KRT72: variants seen among roughly 807,000 people sequenced by gnomAD.
KRT72 encodes the protein keratin, type II cytoskeletal 72.
A neutral mutation model predicts 44.7 loss-of-function variants in KRT72; 44 were observed. That is an observed-to-expected ratio of 0.98 (90% CI 0.77 to 1.27). The LOEUF is 1.27. Among genes scored for constraint, KRT72 ranks in the 50% most tolerant of loss-of-function variants. KRT72 has a pLI of 0.00. For missense variants in KRT72, 736 were observed against 667.1 expected (o/e 1.10, Z -1.14); for synonymous variants, 302 against 280.4 (o/e 1.08, Z -0.77).
chr12:52,602,336 C>G (rs1320425679), upstream of KRT72, among the ~76,000 whole-genome samples: 1 of 152,182 alleles, frequency 6.6e-6, no homozygotes, highest in East Asian at 1.9e-4. Flanking sequence ...ATTTGCCACC[C>G]AGTCATTTCT....
chr12:52,586,049 C>T lies in KRT72; in HGVS notation c.1469G>A (p.Ser490Asn), dbSNP rs778629010. The change falls in exon 9 of 9, where the codon AGT becomes AAT. Residue 490 changes from serine (S) to asparagine (N), a missense_variant. Transcript: ENST00000293745. ...ADVKTKGSCG[S>N]ELKDPLAKTS... is the part of the protein sequence containing the mutation. ...TTTGGCAAGGGGATCCTTGAGCTCA[C>T]TGCCACAGCTGCCTTTGGTCTTGAC... The T allele has an allele frequency of 1.2e-6, 2 of 1,614,104 alleles. No homozygotes were observed. The highest frequency in any genetic ancestry group is 2.7e-5 in the African/African-American group (2 of 74,960).
chr12:52,590,924 T>G lies in KRT72; in HGVS notation c.1001A>C (p.Asp334Ala). Residue 334 changes from aspartate (D) to alanine (A), a missense_variant, in exon 6 of 9, where the codon GAT becomes GCT. Physicochemically the swap from Asp to Ala is moderately radical, Grantham distance 126. Coordinates refer to ENST00000293745, the MANE Select transcript of KRT72 (RefSeq NM_080747.3). ...TTCAGCCTTGGTGAGCTTGAGGTCA[T>G]CCCCATGCTGGCCTGCTGTGACCTG... ...ELQVTAGQHG[D>A]DLKLTKAEIS... 1 of 1,606,750 alleles carries G rather than the reference T, an allele frequency of 6.2e-7. No individual in the cohort carries two copies. The highest frequency in any genetic ancestry group is 8.5e-7 in the Non-Finnish European group (1 of 1,174,820).
intron 4 of KRT72, among the ~76,000 whole-genome samples, chr12:52,592,028 C>G (rs949639194): frequency 1.3e-5 from 2 of 152,174 alleles, no homozygotes; most frequent in African/African-American, 4.8e-5. Flanking sequence ...GGCTCCTGGA[C>G]CTTCTATTTT....
Position 52,592,968 on chromosome 12 carries a change from C to A in KRT72, c.642-16G>T, listed in dbSNP as rs759094748. On this transcript the variant is annotated splice_polypyrimidine_tract_variant and intron_variant, in intron 2 of 8. Coordinates refer to ENST00000293745, the MANE Select transcript of KRT72 (RefSeq NM_080747.3). ...CACCTCATACCTGCATGGGGCAAGA[C>A]AATGAGGTAATTCAGTTCTGCAAAC... 4 of 1,610,748 alleles carry A rather than the reference C, an allele frequency of 2.5e-6. No homozygotes were observed. The South Asian group carries it at 4.4e-5, about 18-fold the overall frequency.
In KRT72 at chr12:52,598,903, C is replaced by T. The variant is rs778339569; in HGVS notation, c.636G>A (p.Lys212=). The part of the protein sequence containing the change: ...RNMQDLVEDY[K]KRYEVEINRR... ...ATTCCCTGCCACTCACTCACCTCTT[C>T]TTGTAGTCCTCCACCAAATCCTGCA... The change falls in exon 2 of 9, where the codon AAG becomes AAA. Residue 212 remains lysine (K), a synonymous_variant. Coordinates refer to ENST00000293745, the MANE Select transcript of KRT72 (RefSeq NM_080747.3). The T allele has an allele frequency of 4.3e-5, 70 of 1,613,994 alleles. No individual in the cohort carries two copies. The Middle Eastern group carries it at 2.5e-3, about 57-fold the overall frequency.
At position 52,591,641 on chromosome 12, in the gene KRT72, G is replaced by C. The variant is rs906905550; in HGVS notation, c.799-13C>G. ...TCTGAGTGATCTCCTGGGGACGGTT[G>C]GGGGAGGGGAGCTAGTTAAGGGGTA... On this transcript the variant is annotated splice_polypyrimidine_tract_variant and intron_variant, in intron 4 of 8. Coordinates refer to ENST00000293745, the MANE Select transcript of KRT72 (RefSeq NM_080747.3). The C allele has an allele frequency of 1.3e-6, 2 of 1,597,704 alleles. No homozygotes were observed. Among genetic ancestry groups the C allele is most frequent in the Non-Finnish European group, 1.7e-6 (2 of 1,167,574 alleles).
In KRT72 at chr12:52,599,433, A is replaced by G. The variant is rs551212543; in HGVS notation, c.427-321T>C. On this transcript the variant is annotated intron_variant, in intron 1 of 8. Coordinates refer to ENST00000293745, the MANE Select transcript of KRT72 (RefSeq NM_080747.3). The stretch of plus-strand genomic sequence containing the variant: ...TTCTGAGTAAAGAGAAATGGGGAGC[A>G]GGGGAGAAACAGGGACTGGGGAGTG... 232 of 479,708 alleles carry G rather than the reference A, an allele frequency of 4.8e-4. 2 individuals carry two copies. In the Middle Eastern group the frequency reaches 5.2e-3, roughly 11 times the overall value. The allele number at this position is 479,708 out of a possible 1,614,324, so 29.7% of individuals were successfully genotyped here.
chr12:52,591,391 C>G (rs908326391), intron 5 of KRT72, 73 bp downstream of exon 5: 3 of 1,478,014 alleles, frequency 2.0e-6, no homozygotes, highest in African/African-American at 2.8e-5. Context: ...CGCACACACA[C>G]GTACACATGC....
intron 3 of KRT72, 56 bp from the exon 4 acceptor site, chr12:52,592,547 C>A: frequency 7.7e-7 from 1 of 1,302,474 alleles, no homozygotes; most frequent in Non-Finnish European, 1.1e-6. Flanking sequence ...CCCATCCCTC[C>A]CTCCCTGCCA....
Position 52,585,643 on chromosome 12 carries a change from G to T in KRT72, c.*339C>A. The T allele has an allele frequency of 4.4e-6, 1 of 228,896 alleles. No homozygotes were observed. The highest frequency in any genetic ancestry group is 8.6e-6 in the Non-Finnish European group (1 of 116,894). 14.2% of individuals were successfully genotyped at this position (228,896 alleles called of 1,614,324 possible). On this transcript the variant is annotated 3_prime_UTR_variant, in exon 9 of 9. Coordinates refer to ENST00000293745, the MANE Select transcript of KRT72 (RefSeq NM_080747.3). ...AGAGGACTGGACACAATCCCAATCA[G>T]AAGATGAAGAGAGTCCCTTGGTAGT...
intron 1 of KRT72, among the ~76,000 whole-genome samples, chr12:52,600,501 G>C (rs1940389026): frequency 1.3e-5 from 2 of 152,290 alleles, no homozygotes; most frequent in Middle Eastern, 6.8e-3. Context: ...CACGTGTTGT[G>C]GGAGGGACCC....
intron 4 of KRT72, among the ~76,000 whole-genome samples, 175 bp from the exon 5 acceptor site, chr12:52,591,803 A>ATT (rs1940043071): frequency 6.6e-6 from 1 of 152,084 alleles, no homozygotes; most frequent in African/African-American, 2.4e-5. Context: ...TTTCAGCCCC[A>ATT]AACGCTGAGA....
chr12:52,591,045 C>A, intron 5 of KRT72, 84 bp from the exon 6 acceptor site: 1 of 1,321,012 alleles, frequency 7.6e-7, no homozygotes. Context: ...AGAAAGGATC[C>A]TGCCCTAGTT....
chr12:52,585,692 G>A lies in KRT72; in HGVS notation c.*290C>T. On this transcript the variant is annotated 3_prime_UTR_variant, in exon 9 of 9. Transcript: ENST00000293745. ...GTGAAGGCCCAAGAAAGGCATGGGG[G>A]CAGAGGGGCTTGTAGCTGGCCTTGG... is the stretch of plus-strand genomic sequence containing the variant. 2.8e-6 allele frequency: 1 copy of A among 354,016 alleles called. No homozygotes were observed. Among genetic ancestry groups the A allele is most frequent in the Non-Finnish European group, 5.2e-6 (1 of 193,084 alleles). The allele number at this position is 354,016 out of a possible 1,614,324, so 21.9% of individuals were successfully genotyped here. A position where few individuals can be genotyped will look rare whatever the true frequency, so the allele number is the denominator to read the frequency against.
intron 7 of KRT72, 25 bp from the exon 8 acceptor site, chr12:52,587,005 T>C: frequency 1.2e-6 from 2 of 1,611,260 alleles, no homozygotes; most frequent in Admixed American, 1.7e-5. Flanking sequence ...GAAAAACAGG[T>C]AAATCCCCCA....
intron 2 of KRT72, 79 bp downstream of exon 2, chr12:52,598,818 GA>G: frequency 1.5e-6 from 2 of 1,292,344 alleles, no homozygotes; most frequent in African/African-American, 2.9e-5. Context: ...AAGGATCTCA[GA>G]AGCAAAAATG....
rs746726282 is a variant in KRT72 at position 52,592,952 on chromosome 12, C to A, written c.642G>T (p.Arg214Ser). The change falls in exon 3 of 9, where the codon AGG becomes AGT. Residue 214 changes from arginine (R) to serine (S), a missense_variant and splice_region_variant. Transcript: ENST00000293745. ...TGCGTCTGTTAATCTCCACCTCATA[C>A]CTGCATGGGGCAAGACAATGAGGTA... Reference protein sequence around the residue: ...MQDLVEDYKKRYEVEINRRTA... With the variant: ...MQDLVEDYKKSYEVEINRRTA... 5 of 1,613,340 alleles carry A rather than the reference C, an allele frequency of 3.1e-6. No individual in the cohort carries two copies. In the Admixed American group the frequency reaches 6.7e-5, roughly 22 times the overall value.
At chr12:52,599,861 C>T (rs1940353545) in intron 1 of KRT72, among the ~76,000 whole-genome samples, 1 of 152,226 alleles carries the variant, frequency 6.6e-6, no homozygotes, top group African/African-American at 2.4e-5. Flanking sequence ...CATTTCTTAG[C>T]CTCCCATGTC....
chr12:52,598,761 T>C, intron 2 of KRT72, 137 bp downstream of exon 2: 1 of 711,762 alleles, frequency 1.4e-6, no homozygotes, highest in Non-Finnish European at 2.5e-6. Flanking sequence ...TCTATTCTTT[T>C]CCTAGTTCCA....
Sources: gnomAD v4.1 joint callset for allele counts (sites outside exome capture counted in the v4.1 genomes callset) on GRCh38, gnomAD v4.1.1 for gene constraint, MANE v1.5 for transcripts, NCBI Gene and HGNC (gene_info 2026-07-23, HGNC 2026-07-21) for gene names.